Variants in ACTN1 observed in about 807,000 individuals in gnomAD.
ACTN1 encodes the protein alpha-actinin-1.
Under a neutral mutation model 119.6 loss-of-function variants are expected in ACTN1, and 30 were observed. That is an observed-to-expected ratio of 0.25 (90% CI 0.19 to 0.34). ACTN1 has a LOEUF of 0.34. Among genes scored for constraint, ACTN1 ranks in the 10% least tolerant of loss-of-function variants. The probability of loss-of-function intolerance (pLI) is 1.00; values close to 1 mark genes in which losing one functional copy is unlikely to be tolerated. For missense variants in ACTN1, 764 were observed against 1,223.4 expected (o/e 0.62, Z 5.60); for synonymous variants, 429 against 472.6 (o/e 0.91, Z 1.20).
rs772720485 is a variant in ACTN1 at position 68,878,822 on chromosome 14, G to A, written c.2361+167C>T. 2 of 1,593,728 alleles carry A rather than the reference G, an allele frequency of 1.3e-6. No homozygotes were observed. Among genetic ancestry groups the A allele is most frequent in the Admixed American group, 1.7e-5 (1 of 59,390 alleles). ...TTGCCATGAAAGACAGCAGAGGGCAGAGGGTGGACCAGTGATGGGGCAGAC... is the reference window on the plus strand; with the variant it reads ...TTGCCATGAAAGACAGCAGAGGGCAAAGGGTGGACCAGTGATGGGGCAGAC... On this transcript the variant is annotated intron_variant, in intron 19 of 21. Coordinates refer to ENST00000394419, the MANE Select transcript of ACTN1 (RefSeq NM_001130004.2). The surrounding 1 kb of genome is among the most constrained non-coding windows in gnomAD (Gnocchi z 4.4).
Position 68,884,857 on chromosome 14 carries a change from C to A in ACTN1, c.1412G>T (p.Ser471Ile). The change falls in exon 13 of 22, where the codon AGT becomes ATT. Residue 471 changes from serine to isoleucine, a missense_variant. By Grantham distance (142) the Ser-to-Ile change is moderately radical (BLOSUM62 -2). Coordinates refer to ENST00000394419, the MANE Select transcript of ACTN1 (RefSeq NM_001130004.2). Reference sequence around the variant, plus strand: ...GATCTTTTGGCAACGGGCGTTGACACTGGGTGAGTCATAATAGTCCAGCTC... The same window carrying A: ...GATCTTTTGGCAACGGGCGTTGACAATGGGTGAGTCATAATAGTCCAGCTC... ...LNELDYYDSP[S>I]VNARCQKICD... 6.2e-7 allele frequency: 1 copy of A among 1,614,106 alleles called. No individual in the cohort carries two copies. The highest frequency in any genetic ancestry group is 8.5e-7 in the Non-Finnish European group (1 of 1,179,932).
At chr14:68,918,694 G>A (rs2034470568) in intron 3 of ACTN1, among the ~76,000 whole-genome samples, 1 of 151,528 alleles carries the variant, frequency 6.6e-6, no homozygotes. Flanking sequence ...AGGAGATAGA[G>A]ACCATCCTGG....
rs141643275 is a variant in ACTN1, at chr14:68,880,873, G to A, written c.2070C>T (p.Gly690=). ...NYKPKIDQLE[G]DHQLIQEALI... The stretch of plus-strand genomic sequence containing the variant: ...GCGCCTCCTGGATGAGCTGGTGGTC[G>A]CCCTCCAGCTGATCAATCTTTGGCT... The change falls in exon 17 of 22, where the codon GGC becomes GGT. Residue 690 remains glycine, a synonymous_variant. Transcript: ENST00000394419. The surrounding 1 kb of genome is among the most constrained non-coding windows in gnomAD (Gnocchi z 4.6). 7.0e-5 allele frequency: 113 copies of A among 1,614,040 alleles called. No individual in the cohort carries two copies. In the African/African-American group the frequency reaches 1.1e-3, roughly 16 times the overall value.
At chr14:68,911,030 C>A (rs2033976868) in intron 4 of ACTN1, among the ~76,000 whole-genome samples, 1 of 152,138 alleles carries the variant, frequency 6.6e-6, no homozygotes, top group African/African-American at 2.4e-5. Context: ...GACTAATACA[C>A]CCTGTGTTTG....
At chr14:68,933,605 G>GC (rs1466484050) in intron 1 of ACTN1, among the ~76,000 whole-genome samples, 6 of 152,152 alleles carry the variant, frequency 3.9e-5, no homozygotes, top group Non-Finnish European at 7.3e-5. Context: ...GCAGGAGGTG[G>GC]CCCGGGGCAG....
chr14:68,893,703 G>T lies in ACTN1; in HGVS notation c.807C>A (p.Asn269Lys). 1.9e-6 allele frequency: 3 copies of T among 1,614,148 alleles called. No individual in the cohort carries two copies. Among genetic ancestry groups the T allele is most frequent in the Non-Finnish European group, 2.5e-6 (3 of 1,180,020 alleles). Residue 269 changes from asparagine (N) to lysine (K), a missense_variant, in exon 9 of 22, where the codon AAC (asparagine) becomes AAA (lysine). Physicochemically the swap from Asn to Lys is moderately conservative, Grantham distance 94. This residue lies in a region of ACTN1 where 544 missense variants were observed against 912.0 expected (regional missense o/e 0.60). Coordinates refer to ENST00000394419, the MANE Select transcript of ACTN1 (RefSeq NM_001130004.2). ...CTTCCATAAGCTGCTCGTTCTCCTGGTTGACGGCCAACACCTTGCAGATGC... is the reference window on the plus strand; with the variant it reads ...CTTCCATAAGCTGCTCGTTCTCCTGTTTGACGGCCAACACCTTGCAGATGC... ...ANRICKVLAV[N>K]QENEQLMEDY...
chr14:68,976,452 G>A (rs1457191721), intron 1 of ACTN1, among the ~76,000 whole-genome samples: 3 of 152,152 alleles, frequency 2.0e-5, no homozygotes, highest in Non-Finnish European at 2.9e-5. Flanking sequence ...CTGAGAACTA[G>A]GCAGGCCAGA....
chr14:68,916,582 C>A (rs759960461), intron 3 of ACTN1, among the ~76,000 whole-genome samples: 29 of 152,196 alleles, frequency 1.9e-4, no homozygotes, highest in Non-Finnish European at 3.8e-4. Flanking sequence ...ACTCTCCTTC[C>A]CCTTCCCTGG....
At chr14:68,908,221 G>T (rs371390960) in intron 6 of ACTN1, among the ~76,000 whole-genome samples, 1 of 152,074 alleles carries the variant, frequency 6.6e-6, no homozygotes, top group Non-Finnish European at 1.5e-5. Flanking sequence ...GCAGGGAAGC[G>T]GGTAGGCATC....
chr14:68,968,486 A>G (rs1378230549), intron 1 of ACTN1, among the ~76,000 whole-genome samples: 3 of 152,262 alleles, frequency 2.0e-5, no homozygotes, highest in African/African-American at 7.2e-5. Context: ...ATCTACACAA[A>G]GTTTTAAAAC....
intron 16 of ACTN1, among the ~76,000 whole-genome samples, chr14:68,881,666 C>G (rs2031524132): frequency 6.6e-6 from 1 of 152,198 alleles, no homozygotes; most frequent in African/African-American, 2.4e-5. Context: ...TCTTAAGGAA[C>G]TCAGAGGCCA....
chr14:68,880,665 A>C lies in ACTN1; in HGVS notation c.2133+145T>G. ...CACATTCCTTGGGAAAGCAGAAGGT[A>C]CTAAAAATTGAAGATGTGAGGCTTC... On this transcript the variant is annotated intron_variant, in intron 17 of 21. Coordinates refer to ENST00000394419, the MANE Select transcript of ACTN1 (RefSeq NM_001130004.2). This position sits in a 1 kb window ranked among gnomAD's most constrained non-coding sequence, Gnocchi z 4.6. The C allele has an allele frequency of 1.3e-6, 1 of 773,704 alleles. No individual in the cohort carries two copies. Among genetic ancestry groups the C allele is most frequent in the Non-Finnish European group, 2.1e-6 (1 of 476,264 alleles). The allele number at this position is 773,704 out of a possible 1,614,324, so 47.9% of individuals were successfully genotyped here. A position where few individuals can be genotyped will look rare whatever the true frequency, so the allele number is the denominator to read the frequency against.
chr14:68,888,383 C>T (rs117365912), intron 11 of ACTN1: 2,799 of 255,788 alleles, frequency 0.011, 32 homozygotes, highest in Non-Finnish European at 0.016. Flanking sequence ...GAGCTGGACC[C>T]GACAGAAGCA....
chr14:68,875,143 G>GT lies in ACTN1; in HGVS notation c.2587-127dup, dbSNP rs767331088. The GT allele has an allele frequency of 6.5e-6, 10 of 1,540,794 alleles. No homozygotes were observed. In the African/African-American group the frequency reaches 9.5e-5, roughly 15 times the overall value. On this transcript the variant is annotated intron_variant, in intron 21 of 21. Coordinates refer to ENST00000394419, the MANE Select transcript of ACTN1 (RefSeq NM_001130004.2). ...GCCGTTTGCATTTTGCCTCCCTCCT[G>GT]TAACTACAGGATGTACGGACGTAAA...
chr14:68,903,972 C>T (rs909030913), intron 7 of ACTN1, among the ~76,000 whole-genome samples: 1 of 152,154 alleles, frequency 6.6e-6, no homozygotes, highest in Non-Finnish European at 1.5e-5. Flanking sequence ...GGCATCCTGG[C>T]TAGCAGCATC....
rs1443467848 is a variant in ACTN1, at chr14:68,885,705, G to A, written c.1235-130C>T. ...TCTCAAGGAGGTGCCCATTGTGCAG[G>A]GATCTGCAGGGTGCAAAAGCAGATG... On this transcript the variant is annotated intron_variant, in intron 11 of 21. Coordinates refer to ENST00000394419, the MANE Select transcript of ACTN1 (RefSeq NM_001130004.2). The surrounding 1 kb of genome is among the most constrained non-coding windows in gnomAD (Gnocchi z 5.6). The A allele has an allele frequency of 2.8e-6, 3 of 1,080,854 alleles. No individual in the cohort carries two copies. Among genetic ancestry groups the A allele is most frequent in the Non-Finnish European group, 3.9e-6 (3 of 768,836 alleles). The allele number at this position is 1,080,854 out of a possible 1,614,324, so 67.0% of individuals were successfully genotyped here.
intron 1 of ACTN1, among the ~76,000 whole-genome samples, chr14:68,955,508 G>C (rs190335171): frequency 6.6e-6 from 1 of 152,304 alleles, no homozygotes; most frequent in Non-Finnish European, 1.5e-5. Context: ...AGGTCACTCC[G>C]GTGGGCCAAC....
At position 68,880,730 on chromosome 14, in the gene ACTN1, C is replaced by A. The variant is rs2031426419; in HGVS notation, c.2133+80G>T. On this transcript the variant is annotated intron_variant, in intron 17 of 21. Coordinates refer to ENST00000394419, the MANE Select transcript of ACTN1 (RefSeq NM_001130004.2). The surrounding 1 kb of genome is among the most constrained non-coding windows in gnomAD (Gnocchi z 4.6). The stretch of plus-strand genomic sequence containing the variant: ...TTTATCCTCCAACTATGACCTGTTC[C>A]CTTGGAGACTTCCCCACCCAGGAGA... 1 of 1,465,462 alleles carries A rather than the reference C, an allele frequency of 6.8e-7. No homozygotes were observed. The highest frequency in any genetic ancestry group is 9.4e-7 in the Non-Finnish European group (1 of 1,063,890). The allele number at this position is 1,465,462 out of a possible 1,614,324, so 90.8% of individuals were successfully genotyped here.
intron 11 of ACTN1, chr14:68,886,776 G>C (rs1465165563): frequency 6.8e-6 from 1 of 146,592 alleles, no homozygotes; most frequent in Non-Finnish European, 1.5e-5. Flanking sequence ...CCTGGTGACA[G>C]AGCGAGACTC....
Sources: allele counts gnomAD v4.1 joint callset (sites outside exome capture counted in the v4.1 genomes callset), GRCh38; gene constraint gnomAD v4.1.1; regional missense constraint gnomAD v4.1.1; non-coding constraint Gnocchi (gnomAD v3.1); transcripts MANE v1.5; gene names NCBI Gene and HGNC (gene_info 2026-07-23, HGNC 2026-07-21).